The following C11orf16 variants were observed in gnomAD, a reference collection of about 807,000 sequenced individuals.
C11orf16 encodes the protein uncharacterized protein C11orf16.
C11orf16 carries 38 observed loss-of-function variants against 45.1 expected under a neutral mutation model. That is an observed-to-expected ratio of 0.84 (90% CI 0.65 to 1.10). The LOEUF is 1.10. Among genes scored for constraint, C11orf16 ranks in the 50% least tolerant of loss-of-function variants. The probability of loss-of-function intolerance (pLI) is 0.00; values close to 1 mark genes in which losing one functional copy is unlikely to be tolerated. For missense variants in C11orf16, 583 were observed against 569.5 expected (o/e 1.02, Z -0.24); for synonymous variants, 221 against 222.0 (o/e 1.00, Z 0.04).
chr11:8,932,730 C>G (rs2064658177), intron 1 of C11orf16, among the ~76,000 whole-genome samples, 171 bp downstream of exon 1: 1 of 152,208 alleles, frequency 6.6e-6, no homozygotes, highest in Non-Finnish European at 1.5e-5. Context: ...AAGGCTAGTT[C>G]TGGCCTCAGG....
At chr11:8,932,404 CTGCAGTTAG>C in intron 1 of C11orf16, 78 bp from the exon 2 acceptor site, 2 of 1,185,508 alleles carry the variant, frequency 1.7e-6, no homozygotes, top group Non-Finnish European at 2.3e-6. Context: ...GGGCTCAGCT[CTGCAGTTAG>C]CTGCCTCTGG....
intron 5 of C11orf16, 36 bp from the exon 6 acceptor site, chr11:8,921,551 C>A: frequency 6.3e-7 from 1 of 1,577,496 alleles, no homozygotes; most frequent in Non-Finnish European, 8.7e-7. Context: ...GTTGAATATG[C>A]CACCATTTTG....
In C11orf16 at chr11:8,927,635, A is replaced by G. The variant is rs942010355; in HGVS notation, c.325-461T>C. The G allele has an allele frequency of 2.2e-5, 10 of 456,708 alleles. No homozygotes were observed. In the East Asian group the frequency reaches 2.8e-4, roughly 13 times the overall value. 28.3% of individuals were successfully genotyped at this position (456,708 alleles called of 1,614,324 possible). A position where few individuals can be genotyped will look rare whatever the true frequency, so the allele number is the denominator to read the frequency against. On this transcript the variant is annotated intron_variant, in intron 3 of 6. Coordinates refer to ENST00000326053, the MANE Select transcript of C11orf16 (RefSeq NM_020643.3). ...GGATGGTTGTTCACCTATGAGGCTC[A>G]TGTAGGCAAGGAGCGATTGTGGCCA...
chr11:8,926,499 C>G (rs756719059), intron 4 of C11orf16, among the ~76,000 whole-genome samples: 24 of 152,102 alleles, frequency 1.6e-4, no homozygotes, highest in Non-Finnish European at 2.6e-4. Flanking sequence ...GCCTCCCTGC[C>G]TCCTGGACTA....
rs756634339 is a variant in C11orf16 at position 8,925,756 on chromosome 11, C to G, written c.911G>C (p.Arg304Thr). 4 of 1,614,246 alleles carry G rather than the reference C, an allele frequency of 2.5e-6. No individual in the cohort carries two copies. In the Middle Eastern group the frequency reaches 6.6e-4, roughly 266 times the overall value. Residue 304 changes from arginine to threonine, a missense_variant, in exon 5 of 7, where the codon AGA (arginine) becomes ACA (threonine). Coordinates refer to ENST00000326053, the MANE Select transcript of C11orf16 (RefSeq NM_020643.3). ...TGTGGGCTCCAACTCTGGAAGTTCT[C>G]TGGCCATGACTTCTGAGGTCCTGGT... ...PLTRTSEVMA[R>T]ELPELEPTAQ...
At position 8,920,454 on chromosome 11, in the gene C11orf16, TA is replaced by T; in HGVS notation, c.*23-5del. 3 of 671,900 alleles carry T rather than the reference TA, an allele frequency of 4.5e-6. No homozygotes were observed. The highest frequency in any genetic ancestry group is 2.3e-5 in the Admixed American group (1 of 44,398). The allele number at this position is 671,900 out of a possible 1,614,324, so 41.6% of individuals were successfully genotyped here. ...ATTTACCATGTTTATTCTTTACCTA[TA>T]AAAGGGGGAAAAATTCCATACATTG... On this transcript the variant is annotated splice_region_variant and splice_polypyrimidine_tract_variant and intron_variant, in intron 6 of 6. Coordinates refer to ENST00000326053, the MANE Select transcript of C11orf16 (RefSeq NM_020643.3).
chr11:8,927,335 T>C (rs1232100937), intron 3 of C11orf16, among the ~76,000 whole-genome samples, 161 bp from the exon 4 acceptor site: 1 of 152,160 alleles, frequency 6.6e-6, no homozygotes, highest in Non-Finnish European at 1.5e-5. Context: ...TTCAAGCCAG[T>C]CAAAGCCAAG....
chr11:8,927,280 CCAA>C, intron 3 of C11orf16, 106 bp from the exon 4 acceptor site: 1 of 815,350 alleles, frequency 1.2e-6, no homozygotes, highest in Non-Finnish European at 1.9e-6. Context: ...GGGCTGCCTT[CCAA>C]ACAGTGACAG....
In C11orf16 at chr11:8,926,116, C is replaced by G. The variant is rs1256852878; in HGVS notation, c.560-9G>C. 6.5e-7 allele frequency: 1 copy of G among 1,541,746 alleles called. No homozygotes were observed. The highest frequency in any genetic ancestry group is 1.4e-5 in the African/African-American group (1 of 71,896). ...TTCTTTTTCCTTTGATGCTACATAA[C>G]AAAAAATGGCAACATTTTGTTATAA... On this transcript the variant is annotated splice_polypyrimidine_tract_variant and intron_variant, in intron 4 of 6. Coordinates refer to ENST00000326053, the MANE Select transcript of C11orf16 (RefSeq NM_020643.3).
At chr11:8,928,659 C>T (rs2064630963) in intron 3 of C11orf16, among the ~76,000 whole-genome samples, 1 of 152,128 alleles carries the variant, frequency 6.6e-6, no homozygotes, top group Non-Finnish European at 1.5e-5. Flanking sequence ...TGCCACCATG[C>T]CTGGCTCATT....
At chr11:8,932,867 C>T (rs2064659136) in intron 1 of C11orf16, 34 bp downstream of exon 1, 1 of 152,986 alleles carries the variant, frequency 6.5e-6, no homozygotes, top group African/African-American at 2.4e-5. Context: ...CTGCCCCTGC[C>T]CAAGTCCACA....
chr11:8,930,478 C>T (rs142891836), intron 2 of C11orf16, among the ~76,000 whole-genome samples: 15 of 146,138 alleles, frequency 1.0e-4, no homozygotes, highest in Admixed American at 1.4e-4. Context: ...CCTAAGGCGG[C>T]GTGTGGGATT....
rs776495523 is a variant in C11orf16, at chr11:8,927,131, AG to A, written c.367del (p.Val124SerfsTer15). On this transcript the variant is annotated frameshift_variant, in exon 4 of 7. Transcript: ENST00000326053. LOFTEE classifies it high-confidence loss of function. Reference sequence around the variant, plus strand: ...GGCTGGCAGCTTTGGGCCTGCGACAAGAGGAGCCTCGAATTCCACAAGCAGG... The same window carrying A: ...GGCTGGCAGCTTTGGGCCTGCGACAAAGGAGCCTCGAATTCCACAAGCAGG... The part of the protein sequence containing the change: ...GVLLVEFEAP[L>X]VAGPKLPAQQ... 1 of 1,614,124 alleles carries A rather than the reference AG, an allele frequency of 6.2e-7. No homozygotes were observed. Among genetic ancestry groups the A allele is most frequent in the Non-Finnish European group, 8.5e-7 (1 of 1,180,008 alleles).
At chr11:8,929,932 A>T (rs573115272) in intron 2 of C11orf16, among the ~76,000 whole-genome samples, 1 of 152,066 alleles carries the variant, frequency 6.6e-6, no homozygotes, top group South Asian at 2.1e-4. Flanking sequence ...CAGCCTGGGC[A>T]ACATGGTGAA....
At chr11:8,924,240 A>G (rs974875149) in intron 5 of C11orf16, among the ~76,000 whole-genome samples, 12 of 151,938 alleles carry the variant, frequency 7.9e-5, no homozygotes, top group African/African-American at 2.9e-4. Context: ...TTAAATCTTC[A>G]TTGGTGCCAG....
chr11:8,928,139 C>T (rs1354608734), intron 3 of C11orf16, among the ~76,000 whole-genome samples: 1 of 152,098 alleles, frequency 6.6e-6, no homozygotes, highest in Admixed American at 6.5e-5. Context: ...AATTTCTGAT[C>T]TCAGGTAACC....
chr11:8,929,264 A>G, intron 3 of C11orf16, 113 bp downstream of exon 3: 1 of 1,093,544 alleles, frequency 9.1e-7, no homozygotes, highest in African/African-American at 1.6e-5. Flanking sequence ...GCCATGGGAG[A>G]GCTGTGCTTA....
In C11orf16 at chr11:8,921,398, G is replaced by T. The variant is rs778680108; in HGVS notation, c.1322C>A (p.Pro441Gln). ...LVSKATHMKP[P>Q]RTPPGEAEHR... is the part of the protein sequence containing the mutation. ...TTCAGCTTCCCCTGGCGGGGTCCGC[G>T]GTGGCTTCATGTGGGTTGCTTTCGA... is the stretch of plus-strand genomic sequence containing the variant. The change falls in exon 6 of 7, where the codon CCG (proline) becomes CAG (glutamine). Residue 441 changes from proline (P) to glutamine (Q), a missense_variant. Coordinates refer to ENST00000326053, the MANE Select transcript of C11orf16 (RefSeq NM_020643.3). The T allele has an allele frequency of 3.7e-6, 6 of 1,614,170 alleles. No homozygotes were observed. The highest frequency in any genetic ancestry group is 5.1e-6 in the Non-Finnish European group (6 of 1,180,028).
rs1287694080 is a variant in C11orf16 at position 8,926,194 on chromosome 11, T to G, written c.560-87A>C. ...TTTCTTTTTTTCTTTTCTTTTTTTT[T>G]TTTTTTTTTTGAGACAGGGTCTGGC... On this transcript the variant is annotated intron_variant, in intron 4 of 6. Coordinates refer to ENST00000326053, the MANE Select transcript of C11orf16 (RefSeq NM_020643.3). 3 of 1,271,690 alleles carry G rather than the reference T, an allele frequency of 2.4e-6. No individual in the cohort carries two copies. In the African/African-American group the frequency reaches 4.7e-5, roughly 20 times the overall value. 78.8% of individuals were successfully genotyped at this position (1,271,690 alleles called of 1,614,324 possible).
Sources: gnomAD v4.1 joint callset for allele counts (sites outside exome capture counted in the v4.1 genomes callset) on GRCh38, gnomAD v4.1.1 for gene constraint, MANE v1.5 for transcripts, NCBI Gene and HGNC (gene_info 2026-07-23, HGNC 2026-07-21) for gene names.